CYP39A1: variants seen among roughly 807,000 people sequenced by gnomAD.
CYP39A1 encodes 24-hydroxycholesterol 7-alpha-hydroxylase.
Under a neutral mutation model 58.1 loss-of-function variants are expected in CYP39A1, and 49 were observed. That is an observed-to-expected ratio of 0.84 (90% confidence interval 0.67 to 1.07). CYP39A1 has a LOEUF of 1.07. Ranked by LOEUF, CYP39A1 falls within the 50% of genes least tolerant of loss-of-function variation. The probability of loss-of-function intolerance (pLI) is 0.00; values close to 1 mark genes in which losing one functional copy is unlikely to be tolerated. For synonymous variants in CYP39A1, 209 were observed against 187.6 expected (o/e 1.11, Z -0.93); for missense variants, 531 against 539.4 (o/e 0.98, Z 0.16).
chr6:46,607,387 C>T (rs1773912339), intron 7 of CYP39A1, among the ~76,000 whole-genome samples: 1 of 150,716 alleles, frequency 6.6e-6, no homozygotes, highest in South Asian at 2.1e-4. Flanking sequence ...GAACATGAGT[C>T]AAATAGAATC....
At chr6:46,620,345 T>G (rs1176817113) in intron 7 of CYP39A1, among the ~76,000 whole-genome samples, 1 of 152,196 alleles carries the variant, frequency 6.6e-6, no homozygotes, top group Non-Finnish European at 1.5e-5. Context: ...AAGACCTTAC[T>G]TGCAAGACTG....
chr6:46,630,939 C>CGG, intron 6 of CYP39A1, 24 bp downstream of exon 6: 1 of 1,529,618 alleles, frequency 6.5e-7, no homozygotes, highest in Non-Finnish European at 9.0e-7. Flanking sequence ...AGCAACGTAA[C>CGG]TCATACTTTA....
At chr6:46,568,146 C>A (rs1041075890) in intron 10 of CYP39A1, among the ~76,000 whole-genome samples, 2 of 152,038 alleles carry the variant, frequency 1.3e-5, no homozygotes, top group African/African-American at 4.8e-5. Flanking sequence ...TTGCATTTCC[C>A]TAATGATTAG....
chr6:46,652,654 G>T lies in CYP39A1; in HGVS notation c.-72C>A, dbSNP rs1762777743. 5 of 1,431,078 alleles carry T rather than the reference G, an allele frequency of 3.5e-6. No individual in the cohort carries two copies. The highest frequency in any genetic ancestry group is 1.5e-5 in the African/African-American group (1 of 68,892). 88.6% of individuals were successfully genotyped at this position (1,431,078 alleles called of 1,614,324 possible). A position where few individuals can be genotyped will look rare whatever the true frequency, so the allele number is the denominator to read the frequency against. On this transcript the variant is annotated 5_prime_UTR_variant, in exon 1 of 12. Coordinates refer to ENST00000275016, the MANE Select transcript of CYP39A1 (RefSeq NM_016593.5). Reference sequence around the variant, plus strand: ...TGCCGTCCCTTGCTTCTTTTCTGTGGGCTACGGAACCTGTCGGGACTCCCA... The same window carrying T: ...TGCCGTCCCTTGCTTCTTTTCTGTGTGCTACGGAACCTGTCGGGACTCCCA...
intron 1 of CYP39A1, among the ~76,000 whole-genome samples, chr6:46,650,484 CTTTTTTTTTTTT>C (rs567314746): frequency 3.1e-4 from 11 of 35,174 alleles, no homozygotes; most frequent in South Asian, 3.7e-3. Context: ...CAGTCATATT[CTTTTTTTTTTTT>C]TTTTTTTTTT....
At chr6:46,581,166 A>C (rs997443966) in intron 10 of CYP39A1, among the ~76,000 whole-genome samples, 5 of 152,144 alleles carry the variant, frequency 3.3e-5, no homozygotes, top group Non-Finnish European at 7.4e-5. Flanking sequence ...TCAGCACTTT[A>C]GGAGGCCAAG....
intron 10 of CYP39A1, among the ~76,000 whole-genome samples, chr6:46,579,017 A>C (rs911033355): frequency 6.6e-6 from 1 of 152,052 alleles, no homozygotes; most frequent in African/African-American, 2.4e-5. Context: ...AAAAAAGAAA[A>C]CTTCAAGCCA....
rs182568360 is a variant in CYP39A1, at chr6:46,578,584, C to T, written c.1250+8493G>A. 4.0e-5 allele frequency among the ~76,000 whole-genome samples: 6 copies of T among 151,870 alleles called. No homozygotes were observed. In the East Asian group the frequency reaches 1.2e-3, roughly 29 times the overall value. On this transcript the variant is annotated intron_variant, in intron 10 of 11. Transcript: ENST00000275016. Reference sequence around the variant, plus strand: ...AAAAGAGAAAAGATCCAAATAAACACAATCAGAAATGACAAAGGGGATATT... The same window carrying T: ...AAAAGAGAAAAGATCCAAATAAACATAATCAGAAATGACAAAGGGGATATT...
intron 7 of CYP39A1, among the ~76,000 whole-genome samples, chr6:46,599,019 T>C (rs781558496): frequency 2.6e-5 from 4 of 152,204 alleles, no homozygotes; most frequent in Non-Finnish European, 5.9e-5. Context: ...GTTATTCTTT[T>C]TCCTGAAACC....
At chr6:46,586,048 G>A (rs1342112149) in intron 10 of CYP39A1, among the ~76,000 whole-genome samples, 4 of 152,112 alleles carry the variant, frequency 2.6e-5, no homozygotes, top group Non-Finnish European at 4.4e-5. Context: ...CTTAGGCTTA[G>A]ATTTCTAGAA....
At chr6:46,583,014 TG>T in intron 10 of CYP39A1, 4 of 959,794 alleles carry the variant, frequency 4.2e-6, no homozygotes, top group Non-Finnish European at 5.0e-6. Context: ...TTCCAATAGA[TG>T]TGAGATTTTC....
chr6:46,614,894 A>G (rs1774435279), intron 7 of CYP39A1, among the ~76,000 whole-genome samples: 1 of 152,188 alleles, frequency 6.6e-6, no homozygotes, highest in African/African-American at 2.4e-5. Context: ...ACTGATGTCA[A>G]GTGCATTGTG....
At chr6:46,576,410 T>A (rs1771847778) in intron 10 of CYP39A1, among the ~76,000 whole-genome samples, 1 of 152,176 alleles carries the variant, frequency 6.6e-6, no homozygotes, top group South Asian at 2.1e-4. Flanking sequence ...AAGGAACCAG[T>A]GCAAGAATTC....
chr6:46,559,867 T>C (rs957301983), intron 10 of CYP39A1, among the ~76,000 whole-genome samples: 4 of 152,220 alleles, frequency 2.6e-5, no homozygotes, highest in Admixed American at 2.6e-4. Context: ...CCCCCATTCA[T>C]TCATTCATTC....
Position 46,596,123 on chromosome 6 carries a change from G to T in CYP39A1, c.932-3C>A, listed in dbSNP as rs1422398342. On this transcript the variant is annotated splice_region_variant and splice_polypyrimidine_tract_variant and intron_variant, in intron 7 of 11. Transcript: ENST00000275016. ...AGACACTTTAATCTTATCTTTGCCT[G>T]TAAAAAAATTTTTAATGAGAAATAA... 6.3e-7 allele frequency: 1 copy of T among 1,591,648 alleles called. No homozygotes were observed. The highest frequency in any genetic ancestry group is 8.5e-7 in the Non-Finnish European group (1 of 1,171,224).
intron 8 of CYP39A1, among the ~76,000 whole-genome samples, chr6:46,591,517 A>G (rs1772833472): frequency 6.6e-6 from 1 of 152,060 alleles, no homozygotes; most frequent in Non-Finnish European, 1.5e-5. Flanking sequence ...TGTTTTAGAA[A>G]ACTATGTATC....
intron 10 of CYP39A1, among the ~76,000 whole-genome samples, chr6:46,585,360 T>TAGATAGAC (rs1280414801): frequency 2.1e-5 from 3 of 145,222 alleles, no homozygotes; most frequent in African/African-American, 7.6e-5. Context: ...GATAGATAGA[T>TAGATAGAC]AGACAGACAG....
rs16874908 is a variant in CYP39A1, at chr6:46,636,821, A to G, written c.639-339T>C. Among the ~76,000 whole-genome samples, 1,053 of 152,298 alleles carry G rather than the reference A, an allele frequency of 6.9e-3. 15 individuals carry two copies. Among genetic ancestry groups the G allele is most frequent in the African/African-American group, 0.024 (983 of 41,560 alleles). On this transcript the variant is annotated intron_variant, in intron 4 of 11. Transcript: ENST00000275016. ...GATGAAAACCCAATGCACAGAACCA[A>G]TCGCTGACTTAAGCCGGGAAAAACA... is the stretch of plus-strand genomic sequence containing the variant.
intron 6 of CYP39A1, among the ~76,000 whole-genome samples, chr6:46,628,249 T>G (rs1775438030): frequency 6.6e-6 from 1 of 152,228 alleles, no homozygotes; most frequent in African/African-American, 2.4e-5. Flanking sequence ...CAAAGTATTT[T>G]CACATTTAGT....
Sources: gnomAD v4.1 joint callset for allele counts (sites outside exome capture counted in the v4.1 genomes callset) on GRCh38, gnomAD v4.1.1 for gene constraint, MANE v1.5 for transcripts, NCBI Gene and HGNC (gene_info 2026-07-23, HGNC 2026-07-21) for gene names.